The following SAC3D1 variants were observed in gnomAD, a reference collection of about 807,000 sequenced individuals.
The protein encoded by SAC3D1 is SAC3 domain containing 1.
A neutral mutation model predicts 12.7 loss-of-function variants in SAC3D1; 10 were observed. The ratio of observed to expected loss-of-function variants is 0.79; its 90% CI spans 0.49 to 1.34. The LOEUF (loss-of-function observed/expected upper bound fraction) is 1.34, where lower values mean the gene tolerates loss of function less well. SAC3D1 is among the 40% of genes most tolerant of loss of function. The pLI is 0.00. For synonymous variants in SAC3D1, 241 were observed against 250.8 expected (o/e 0.96, Z 0.37); for missense variants, 482 against 531.1 (o/e 0.91, Z 0.91).
upstream of SAC3D1, chr11:65,040,945 T>G: frequency 2.9e-6 from 1 of 339,976 alleles, no homozygotes; most frequent in East Asian, 8.1e-5. Context: ...CGGTGTATCA[T>G]GGGAGCGGCC....
At chr11:65,041,998 G>A (rs1946614882) in intron 1 of SAC3D1, 132 bp downstream of exon 1, 1 of 1,186,698 alleles carries the variant, frequency 8.4e-7, no homozygotes, top group Admixed American at 4.3e-5. Flanking sequence ...AAGATCCACC[G>A]AGCCCCGACG....
At position 65,041,832 on chromosome 11, in the gene SAC3D1, C is replaced by T. The variant is rs1051738569; in HGVS notation, c.540C>T (p.Pro180=). 1.8e-5 allele frequency: 27 copies of T among 1,470,068 alleles called. 1 individual carries two copies. Among genetic ancestry groups the T allele is most frequent in the Admixed American group, 2.5e-5 (1 of 40,314 alleles). The allele number at this position is 1,470,068 out of a possible 1,614,324, so 91.1% of individuals were successfully genotyped here. Residue 180 remains proline, a synonymous_variant, in exon 1 of 2, where the codon CCC becomes CCT. Transcript: ENST00000652489. ...ARGAGPHPRQ[P]AFQGLFLLYN... ...GCGCCGGGCCGCACCCCCGCCAACC[C>T]GCCTTCCAGGGCCTCTTTCTGCTCT... is the stretch of plus-strand genomic sequence containing the variant.
In SAC3D1 at chr11:65,041,858, A is replaced by G; in HGVS notation, c.566A>G (p.Tyr189Cys). The G allele has an allele frequency of 2.1e-6, 3 of 1,454,716 alleles. No individual in the cohort carries two copies. The highest frequency in any genetic ancestry group is 2.7e-6 in the Non-Finnish European group (3 of 1,111,052). 90.1% of individuals were successfully genotyped at this position (1,454,716 alleles called of 1,614,324 possible). Residue 189 changes from tyrosine (Y) to cysteine (C), a missense_variant, in exon 1 of 2, where the codon TAT (tyrosine) becomes TGT (cysteine). Tyr to Cys is a radical substitution (Grantham distance 194). This residue lies in a region of SAC3D1 where 225 missense variants were observed against 241.1 expected (regional missense o/e 0.93). Coordinates refer to ENST00000652489, the MANE Select transcript of SAC3D1 (RefSeq NM_013299.4). ...QPAFQGLFLL[Y>C]NLGSVEALHE... The stretch of plus-strand genomic sequence containing the variant: ...GCCTTCCAGGGCCTCTTTCTGCTCT[A>G]TAACCTGGGTGAGTCGGGATCCTGG...
Position 65,041,506 on chromosome 11 carries a change from C to T in SAC3D1, c.214C>T (p.Pro72Ser). Residue 72 changes from proline (P) to serine (S), a missense_variant, in exon 1 of 2, where the codon CCC (proline) becomes TCC (serine). By Grantham distance (74) the Pro-to-Ser change is moderately conservative. Around this residue, in one of 3 missense-constraint regions of SAC3D1, gnomAD observed 197 missense variants for 183.2 expected, o/e 1.08. Coordinates refer to ENST00000652489, the MANE Select transcript of SAC3D1 (RefSeq NM_013299.4). ...PRPPPSQLRPPSVLLATVRYL... is the reference protein window; with the variant it reads ...PRPPPSQLRPSSVLLATVRYL... ...GCCCCCGCCCAGCCAGTTGCGTCCG[C>T]CCTCCGTGCTGCTGGCCACCGTGCG... is the stretch of plus-strand genomic sequence containing the variant. 6.8e-7 allele frequency: 1 copy of T among 1,466,880 alleles called. No homozygotes were observed. 90.9% of individuals were successfully genotyped at this position (1,466,880 alleles called of 1,614,324 possible). A position where few individuals can be genotyped will look rare whatever the true frequency, so the allele number is the denominator to read the frequency against.
chr11:65,044,303 C>A lies in SAC3D1; in HGVS notation c.653C>A (p.Ala218Glu). ...TGCCCGCCCCTCCGCAAGGCCTTGG[C>A]GGTAGATGCTGCCTTCCGAGAGGGC... ...RACPPLRKAL[A>E]VDAAFREGNA... Residue 218 changes from alanine to glutamate, a missense_variant, in exon 2 of 2, where the codon GCG becomes GAG. This residue lies in a region of SAC3D1 where 225 missense variants were observed against 241.1 expected (regional missense o/e 0.93). Coordinates refer to ENST00000652489, the MANE Select transcript of SAC3D1 (RefSeq NM_013299.4). This position sits in a 1 kb window ranked among gnomAD's most constrained non-coding sequence, Gnocchi z 4.0. 1 of 1,613,326 alleles carries A rather than the reference C, an allele frequency of 6.2e-7. No individual in the cohort carries two copies. The highest frequency in any genetic ancestry group is 8.5e-7 in the Non-Finnish European group (1 of 1,180,020).
Position 65,044,226 on chromosome 11 carries a change from C to T in SAC3D1, c.576C>T (p.Gly192=), listed in dbSNP as rs753601209. 4 of 1,611,882 alleles carry T rather than the reference C, an allele frequency of 2.5e-6. No individual in the cohort carries two copies. The highest frequency in any genetic ancestry group is 3.4e-6 in the Non-Finnish European group (4 of 1,179,278). ...FQGLFLLYNL[G]SVEALHEVLQ... Reference sequence around the variant, plus strand: ...CATTCTGGCTTCCCGCTCTCACAGGCTCGGTGGAAGCCCTGCATGAGGTTC... The same window carrying T: ...CATTCTGGCTTCCCGCTCTCACAGGTTCGGTGGAAGCCCTGCATGAGGTTC... The change falls in exon 2 of 2, where the codon GGC becomes GGT. Residue 192 remains glycine, a splice_region_variant and synonymous_variant. Coordinates refer to ENST00000652489, the MANE Select transcript of SAC3D1 (RefSeq NM_013299.4). The surrounding 1 kb of genome is among the most constrained non-coding windows in gnomAD (Gnocchi z 4.0).
Position 65,041,801 on chromosome 11 carries a change from C to T in SAC3D1, c.509C>T (p.Ala170Val), listed in dbSNP as rs1946609980. ...TTCGGCTCGCTGCGGCGCTGCTACG[C>T]GCGGGGCGCCGGGCCGCACCCCCGC... ...EGFGSLRRCY[A>V]RGAGPHPRQP... The change falls in exon 1 of 2, where the codon GCG becomes GTG. Residue 170 changes from alanine (A) to valine (V), a missense_variant. Ala to Val is a moderately conservative substitution (Grantham distance 64). Transcript: ENST00000652489. 2.7e-6 allele frequency: 4 copies of T among 1,459,240 alleles called. No homozygotes were observed. The highest frequency in any genetic ancestry group is 2.7e-6 in the Non-Finnish European group (3 of 1,111,926). The allele number at this position is 1,459,240 out of a possible 1,614,324, so 90.4% of individuals were successfully genotyped here.
chr11:65,041,249 G>A lies in SAC3D1; in HGVS notation c.-44G>A, dbSNP rs1008942838. 8.1e-6 allele frequency: 12 copies of A among 1,479,144 alleles called. No individual in the cohort carries two copies. In the African/African-American group the frequency reaches 1.0e-4, roughly 13 times the overall value. The allele number at this position is 1,479,144 out of a possible 1,614,324, so 91.6% of individuals were successfully genotyped here. A position where few individuals can be genotyped will look rare whatever the true frequency, so the allele number is the denominator to read the frequency against. ...TCGCGTGCCTTCCCGCAGCACTGCC[G>A]TCCCCGGGATGCTGAGCGCCCACCG... On this transcript the variant is annotated 5_prime_UTR_variant, in exon 1 of 2. Transcript: ENST00000652489.
chr11:65,043,645 G>C (rs1946654209), intron 1 of SAC3D1, among the ~76,000 whole-genome samples: 7 of 68,128 alleles, frequency 1.0e-4, no homozygotes, highest in Admixed American at 2.9e-4. Context: ...AAAAAAAAAG[G>C]CCCTGCCCTA....
In SAC3D1 at chr11:65,041,633, T is replaced by C; in HGVS notation, c.341T>C (p.Leu114Pro). The change falls in exon 1 of 2, where the codon CTG becomes CCG. Residue 114 changes from leucine to proline, a missense_variant. By Grantham distance (98) the Leu-to-Pro change is moderately conservative (BLOSUM62 -3). This residue lies in a region of SAC3D1 where 197 missense variants were observed against 183.2 expected (regional missense o/e 1.08). Coordinates refer to ENST00000652489, the MANE Select transcript of SAC3D1 (RefSeq NM_013299.4). ...RLRAVLLDLA[L>P]QGAGDAEAAV... ...CGAGCTGTGCTCCTGGACCTGGCGC[T>C]GCAGGGAGCGGGCGACGCCGAGGCA... 1 of 1,451,346 alleles carries C rather than the reference T, an allele frequency of 6.9e-7. No individual in the cohort carries two copies. Among genetic ancestry groups the C allele is most frequent in the Non-Finnish European group, 9.0e-7 (1 of 1,105,390 alleles). The allele number at this position is 1,451,346 out of a possible 1,614,324, so 89.9% of individuals were successfully genotyped here.
At position 65,041,216 on chromosome 11, in the gene SAC3D1, G is replaced by A; in HGVS notation, c.-77G>A. 7.3e-7 allele frequency: 1 copy of A among 1,363,988 alleles called. No individual in the cohort carries two copies. The highest frequency in any genetic ancestry group is 1.4e-5 in the South Asian group (1 of 72,760). The allele number at this position is 1,363,988 out of a possible 1,614,324, so 84.5% of individuals were successfully genotyped here. A position where few individuals can be genotyped will look rare whatever the true frequency, so the allele number is the denominator to read the frequency against. On this transcript the variant is annotated 5_prime_UTR_variant, in exon 1 of 2. Coordinates refer to ENST00000652489, the MANE Select transcript of SAC3D1 (RefSeq NM_013299.4). ...CCCGACCCGCCGCTCCCCACCCCCC[G>A]GCCGGCCTCGCGTGCCTTCCCGCAG...
At chr11:65,043,151 C>T in intron 1 of SAC3D1, 1 of 386,910 alleles carries the variant, frequency 2.6e-6, no homozygotes, top group South Asian at 1.8e-5. Context: ...CACTGTTCCT[C>T]TGAAGAAGGC....
upstream of SAC3D1, chr11:65,041,198 C>T (rs567208172): frequency 5.2e-4 from 620 of 1,183,750 alleles, 10 homozygotes; most frequent in South Asian, 8.6e-3. Context: ...CGCCCCGACC[C>T]GCCGCTCCCC....
Position 65,041,471 on chromosome 11 carries a change from G to A in SAC3D1, c.179G>A (p.Gly60Asp). The A allele has an allele frequency of 6.8e-7, 1 of 1,478,206 alleles. No individual in the cohort carries two copies. 91.6% of individuals were successfully genotyped at this position (1,478,206 alleles called of 1,614,324 possible). A position where few individuals can be genotyped will look rare whatever the true frequency, so the allele number is the denominator to read the frequency against. ...AVKEYSRPAA[G>D]KPRPPPSQLR... ...AAGGAGTACAGCCGACCCGCCGCCG[G>A]CAAGCCCCGGCCCCCGCCCAGCCAG... Residue 60 changes from glycine (G) to aspartate (D), a missense_variant, in exon 1 of 2, where the codon GGC becomes GAC. By Grantham distance (94) the Gly-to-Asp change is moderately conservative. Around this residue, in one of 3 missense-constraint regions of SAC3D1, gnomAD observed 197 missense variants for 183.2 expected, o/e 1.08. Transcript: ENST00000652489.
At chr11:65,040,935 C>A (rs1052526012), upstream of SAC3D1, 3 of 335,284 alleles carry the variant, frequency 8.9e-6, no homozygotes, top group Non-Finnish European at 1.7e-5. Context: ...GGGACTACAC[C>A]GGTGTATCAT....
chr11:65,040,973 A>G (rs186616045), upstream of SAC3D1: 812 of 428,044 alleles, frequency 1.9e-3, 6 homozygotes, highest in African/African-American at 0.014. Context: ...CACGTTAAAA[A>G]CACTAAGGGG....
chr11:65,041,582 T>TGG lies in SAC3D1; in HGVS notation c.291_292dup (p.Ala98GlyfsTer38). ...AGCGCCGACATCGCCCGCGCCGAGG[T>TGG]GGCCAGCTTCGTGGCAGACCGCTTG... is the stretch of plus-strand genomic sequence containing the variant. On this transcript the variant is annotated frameshift_variant, in exon 1 of 2. Coordinates refer to ENST00000652489, the MANE Select transcript of SAC3D1 (RefSeq NM_013299.4). LOFTEE classifies it high-confidence loss of function. 1 of 1,476,994 alleles carries TGG rather than the reference T, an allele frequency of 6.8e-7. No homozygotes were observed. The highest frequency in any genetic ancestry group is 8.9e-7 in the Non-Finnish European group (1 of 1,119,554). The allele number at this position is 1,476,994 out of a possible 1,614,324, so 91.5% of individuals were successfully genotyped here. A position where few individuals can be genotyped will look rare whatever the true frequency, so the allele number is the denominator to read the frequency against.
In SAC3D1 at chr11:65,041,602, C is replaced by T. The variant is rs1217456814; in HGVS notation, c.310C>T (p.Arg104Cys). The change falls in exon 1 of 2, where the codon CGC becomes TGC. Residue 104 changes from arginine (R) to cysteine (C), a missense_variant. Arg to Cys is a radical substitution (Grantham distance 180). Coordinates refer to ENST00000652489, the MANE Select transcript of SAC3D1 (RefSeq NM_013299.4). ...RAEVASFVAD[R>C]LRAVLLDLAL... ...CGAGGTGGCCAGCTTCGTGGCAGAC[C>T]GCTTGCGAGCTGTGCTCCTGGACCT... is the stretch of plus-strand genomic sequence containing the variant. 2 of 1,471,610 alleles carry T rather than the reference C, an allele frequency of 1.4e-6. No individual in the cohort carries two copies. The highest frequency in any genetic ancestry group is 1.5e-5 in the African/African-American group (1 of 68,332). The allele number at this position is 1,471,610 out of a possible 1,614,324, so 91.2% of individuals were successfully genotyped here.
chr11:65,042,064 G>T (rs571285831), intron 1 of SAC3D1, 198 bp downstream of exon 1: 3 of 673,414 alleles, frequency 4.5e-6, no homozygotes, highest in Non-Finnish European at 6.3e-6. Context: ...AAGTGGAGGG[G>T]GCAAGGGTGG....
Sources: allele counts gnomAD v4.1 joint callset (sites outside exome capture counted in the v4.1 genomes callset), GRCh38; gene constraint gnomAD v4.1.1; regional missense constraint gnomAD v4.1.1; non-coding constraint Gnocchi (gnomAD v3.1); transcripts MANE v1.5; gene names NCBI Gene and HGNC (gene_info 2026-07-23, HGNC 2026-07-21).